Variants in ZNF385B observed in about 807,000 individuals in gnomAD.
ZNF385B encodes zinc finger protein 385B.
A neutral mutation model predicts 39.2 loss-of-function variants in ZNF385B; 23 were observed. The ratio of observed to expected loss-of-function variants is 0.59; its 90% CI spans 0.42 to 0.83. ZNF385B has a LOEUF of 0.83. Among genes scored for constraint, ZNF385B ranks in the 40% least tolerant of loss-of-function variants. ZNF385B has a pLI of 0.00. For synonymous variants in ZNF385B, 205 were observed against 222.6 expected (o/e 0.92, Z 0.70); for missense variants, 552 against 598.9 (o/e 0.92, Z 0.82).
At position 179,554,938 on chromosome 2, in the gene ZNF385B, C is replaced by A. The variant is rs796352624; in HGVS notation, c.299-9969G>T. Among the ~76,000 whole-genome samples, 16 of 149,284 alleles carry A rather than the reference C, an allele frequency of 1.1e-4. 3 individuals are homozygous for A. The highest frequency in any genetic ancestry group is 4.0e-4 in the African/African-American group (16 of 39,688). ...ACAGCTACTTTGAAAAACTACCTGG[C>A]AATATCTATTTAAGCTGAATATATA... is the stretch of plus-strand genomic sequence containing the variant. On this transcript the variant is annotated intron_variant, in intron 3 of 9. Transcript: ENST00000410066.
chr2:179,766,549 C>A (rs925440473), intron 3 of ZNF385B, among the ~76,000 whole-genome samples: 2 of 152,094 alleles, frequency 1.3e-5, no homozygotes, highest in Non-Finnish European at 2.9e-5. Flanking sequence ...GGGCTCTCTC[C>A]TTGGCTTGTA....
chr2:179,528,145 T>C (rs191568786), intron 4 of ZNF385B, among the ~76,000 whole-genome samples: 106 of 152,332 alleles, frequency 7.0e-4, no homozygotes, highest in African/African-American at 2.3e-3. Context: ...CTCATACAAG[T>C]GGTAAAACCT....
chr2:179,788,646 T>C (rs1384248372), intron 1 of ZNF385B, among the ~76,000 whole-genome samples: 1 of 152,076 alleles, frequency 6.6e-6, no homozygotes, highest in Non-Finnish European at 1.5e-5. Flanking sequence ...AAGACAATGA[T>C]GAGAACAGGC....
chr2:179,505,445 A>G (rs1284170291), intron 5 of ZNF385B, among the ~76,000 whole-genome samples: 1 of 152,110 alleles, frequency 6.6e-6, no homozygotes, highest in Non-Finnish European at 1.5e-5. Context: ...TTCCTCTCAA[A>G]TGATATAAGA....
intron 1 of ZNF385B, among the ~76,000 whole-genome samples, chr2:179,828,248 A>G (rs1707786789): frequency 6.6e-6 from 1 of 152,140 alleles, no homozygotes; most frequent in South Asian, 2.1e-4. Flanking sequence ...TAATGTCAAT[A>G]CTTTTAGACA....
chr2:179,493,777 A>ATACATATATGTATATGCATATGTG (rs1559338308), intron 5 of ZNF385B, among the ~76,000 whole-genome samples: 1 of 100,518 alleles, frequency 9.9e-6, no homozygotes, highest in Non-Finnish European at 2.3e-5. Flanking sequence ...ACATATATGT[A>ATACATATATGTATATGCATATGTG]TATACACATA....
At chr2:179,822,936 T>C (rs10211004) in intron 1 of ZNF385B, among the ~76,000 whole-genome samples, 48,117 of 152,060 alleles carry the variant, frequency 0.32, 8,034 homozygotes, top group Non-Finnish European at 0.36. Context: ...TTAGTTATTA[T>C]ATAACTCTGA....
At chr2:179,626,251 T>C (rs1488606126) in intron 3 of ZNF385B, among the ~76,000 whole-genome samples, 1 of 152,156 alleles carries the variant, frequency 6.6e-6, no homozygotes, top group Non-Finnish European at 1.5e-5. Flanking sequence ...GAATTTATGA[T>C]AAATAGTACT....
chr2:179,670,157 T>C (rs1192463899), intron 3 of ZNF385B, among the ~76,000 whole-genome samples: 2 of 151,980 alleles, frequency 1.3e-5, no homozygotes, highest in Non-Finnish European at 2.9e-5. Flanking sequence ...CCGGGCGTGA[T>C]GGCGGGCGCC....
At chr2:179,549,402 G>A (rs1484691180) in intron 3 of ZNF385B, among the ~76,000 whole-genome samples, 1 of 149,462 alleles carries the variant, frequency 6.7e-6, no homozygotes, top group African/African-American at 2.5e-5. Context: ...GAAGTGGCAG[G>A]CTGTTTTCCA....
intron 1 of ZNF385B, among the ~76,000 whole-genome samples, chr2:179,771,483 C>A (rs1480766992): frequency 6.6e-6 from 1 of 151,988 alleles, no homozygotes; most frequent in Non-Finnish European, 1.5e-5. Context: ...CTCTCATACA[C>A]AAAATTTTCC....
At chr2:179,496,612 A>G (rs750178582) in intron 5 of ZNF385B, among the ~76,000 whole-genome samples, 2 of 152,232 alleles carry the variant, frequency 1.3e-5, no homozygotes, top group Non-Finnish European at 2.9e-5. Flanking sequence ...CAAATCACAT[A>G]CAACAGAGCT....
intron 1 of ZNF385B, among the ~76,000 whole-genome samples, chr2:179,779,162 T>C (rs1704519693): frequency 6.6e-6 from 1 of 152,206 alleles, no homozygotes; most frequent in African/African-American, 2.4e-5. Context: ...AACACAGTGC[T>C]GTAACAGGGG....
chr2:179,714,200 C>T (rs1331391051), intron 3 of ZNF385B, among the ~76,000 whole-genome samples: 2 of 152,172 alleles, frequency 1.3e-5, no homozygotes, highest in Non-Finnish European at 2.9e-5. Flanking sequence ...AATAATACCA[C>T]TACAAATAAT....
chr2:179,559,408 T>C (rs143242555), intron 3 of ZNF385B, among the ~76,000 whole-genome samples: 1 of 152,214 alleles, frequency 6.6e-6, no homozygotes, highest in African/African-American at 2.4e-5. Context: ...TCCTAGAGCT[T>C]CAGTCAGGTA....
intron 1 of ZNF385B, among the ~76,000 whole-genome samples, chr2:179,791,812 A>C (rs1001881098): frequency 6.6e-6 from 1 of 152,130 alleles, no homozygotes; most frequent in Non-Finnish European, 1.5e-5. Flanking sequence ...GCTGGAGTGC[A>C]ATGGCACGAT....
At chr2:179,768,341 TCTA>T (rs929468772) in intron 3 of ZNF385B, among the ~76,000 whole-genome samples, 3 of 152,224 alleles carry the variant, frequency 2.0e-5, no homozygotes, top group African/African-American at 4.8e-5. Context: ...AAATAATTTT[TCTA>T]CTATTATAAG....
chr2:179,665,665 TTATGTCATCAGTGATGCCACCAGACAG>T (rs753516061), intron 3 of ZNF385B, among the ~76,000 whole-genome samples: 3 of 152,224 alleles, frequency 2.0e-5, no homozygotes, highest in Non-Finnish European at 2.9e-5. Flanking sequence ...AATAATTGTA[TTATGTCATCAGTGATGCCACCAGACAG>T]AGCACCAGCT....
intron 5 of ZNF385B, among the ~76,000 whole-genome samples, chr2:179,494,434 G>A (rs568430899): frequency 6.6e-6 from 1 of 152,086 alleles, no homozygotes; most frequent in East Asian, 1.9e-4. Context: ...GAGATGAAAA[G>A]GGTTCAAAAT....
Sources: gnomAD v4.1 joint callset for allele counts (sites outside exome capture counted in the v4.1 genomes callset) on GRCh38, gnomAD v4.1.1 for gene constraint, MANE v1.5 for transcripts, NCBI Gene and HGNC (gene_info 2026-07-23, HGNC 2026-07-21) for gene names.